ZNF654: variants seen among roughly 807,000 people sequenced by gnomAD.
ZNF654 encodes zinc finger protein 654.
In ZNF654, 19 loss-of-function variants were observed where a neutral mutation model predicts 95.3. That is an observed-to-expected ratio of 0.20 (90% CI 0.14 to 0.29). ZNF654 has a LOEUF of 0.29. Ranked by LOEUF, ZNF654 falls within the 10% of genes least tolerant of loss-of-function variation. ZNF654 has a pLI of 1.00. For missense variants in ZNF654, 1,046 were observed against 1,341.0 expected, an observed-to-expected ratio of 0.78 and a Z score of 3.44; for synonymous variants, 413 against 457.9, an observed-to-expected ratio of 0.90 and a Z score of 1.25.
At chr3:88,061,604 T>C (rs1364968676) in intron 1 of ZNF654, among the ~76,000 whole-genome samples, 4 of 152,180 alleles carry the variant, frequency 2.6e-5, no homozygotes, top group Non-Finnish European at 5.9e-5. Context: ...TCCTTTTTTA[T>C]ATTAAAGCTT....
Position 88,139,884 on chromosome 3 carries a change from G to A in ZNF654, c.2215G>A (p.Ala739Thr). ...GTVCHPKDIY[A>T]TDQEGNFKCP... ...TGTGTGCCATCCAAAAGACATATAT[G>A]CCACAGATCAAGAAGGAAACTTTAA... Residue 739 changes from alanine to threonine, a missense_variant, in exon 8 of 9, where the codon GCC becomes ACC. Ala to Thr is a moderately conservative substitution (Grantham distance 58, BLOSUM62 0). Transcript: ENST00000636215. The A allele has an allele frequency of 3.7e-6, 6 of 1,611,278 alleles. No homozygotes were observed. In the East Asian group the frequency reaches 1.3e-4, roughly 36 times the overall value.
intron 1 of ZNF654, among the ~76,000 whole-genome samples, chr3:88,065,058 ATTTAAT>A (rs1474111987): frequency 3.9e-5 from 6 of 152,226 alleles, no homozygotes; most frequent in Non-Finnish European, 8.8e-5. Flanking sequence ...GCATTGATAA[ATTTAAT>A]TGCATTGATG....
intron 1 of ZNF654, among the ~76,000 whole-genome samples, chr3:88,067,622 A>T (rs1707274987): frequency 6.6e-6 from 1 of 152,236 alleles, no homozygotes; most frequent in Non-Finnish European, 1.5e-5. Context: ...ACAAAAGGCA[A>T]GGAAAGAGAA....
At chr3:88,120,866 T>TA (rs1328769159) in intron 3 of ZNF654, among the ~76,000 whole-genome samples, 2 of 152,112 alleles carry the variant, frequency 1.3e-5, no homozygotes, top group East Asian at 3.8e-4. Flanking sequence ...ATCACAGTGA[T>TA]ATAGTAATTC....
chr3:88,093,382 T>C (rs1703863868), intron 2 of ZNF654, among the ~76,000 whole-genome samples: 1 of 152,178 alleles, frequency 6.6e-6, no homozygotes, highest in Admixed American at 6.5e-5. Context: ...CAACAGAAAG[T>C]AAATGTTCAT....
intron 7 of ZNF654, among the ~76,000 whole-genome samples, chr3:88,136,833 C>T (rs889797180): frequency 7.2e-5 from 11 of 152,098 alleles, no homozygotes; most frequent in Admixed American, 3.9e-4. Context: ...GCAGCCTGTT[C>T]TCTTTTTGGA....
chr3:88,087,369 C>G (rs987535774), intron 2 of ZNF654, among the ~76,000 whole-genome samples: 88 of 152,188 alleles, frequency 5.8e-4, no homozygotes, highest in African/African-American at 2.1e-3. Context: ...GCTACCACAC[C>G]TGGCTGAAAA....
In ZNF654 at chr3:88,139,415, A is replaced by G. The variant is rs1214126589; in HGVS notation, c.1746A>G (p.Arg582=). ...FACVICGRKF[R]NRGLMQKHLK... ...GTGTAATATGTGGTAGGAAATTTAG[A>G]AACAGAGGACTTATGCAGAAGCATT... The change falls in exon 8 of 9, where the codon AGA becomes AGG. Residue 582 remains arginine (R), a synonymous_variant. Transcript: ENST00000636215. 4 of 1,613,764 alleles carry G rather than the reference A, an allele frequency of 2.5e-6. No individual in the cohort carries two copies. Among genetic ancestry groups the G allele is most frequent in the East Asian group, 4.5e-5 (2 of 44,882 alleles).
At chr3:88,079,202 A>C (rs1417476064) in intron 1 of ZNF654, among the ~76,000 whole-genome samples, 1 of 152,104 alleles carries the variant, frequency 6.6e-6, no homozygotes, top group African/African-American at 2.4e-5. Flanking sequence ...TAGTCCAACT[A>C]ATTCTGACTA....
intron 1 of ZNF654, among the ~76,000 whole-genome samples, chr3:88,081,318 C>G (rs1398004799): frequency 6.6e-6 from 1 of 151,154 alleles, no homozygotes; most frequent in Non-Finnish European, 1.5e-5. Context: ...TGTAATGTTA[C>G]TGTCTTTATA....
chr3:88,134,906 CAT>C (rs1274284091), intron 6 of ZNF654, among the ~76,000 whole-genome samples, 153 bp from the exon 7 acceptor site: 5 of 151,990 alleles, frequency 3.3e-5, no homozygotes, highest in African/African-American at 1.2e-4. Context: ...GTTTTAGTCT[CAT>C]ATAGGTAGAA....
chr3:88,065,719 G>GTTTATTATTATTA lies in ZNF654; in HGVS notation c.186+6218_186+6230dup, dbSNP rs1707159108. The stretch of plus-strand genomic sequence containing the variant: ...ATTTTCTTTTCCTACCTCACAGATT[G>GTTTATTATTATTA]TTTATTATTATTATTTTTTTGAGAC... On this transcript the variant is annotated intron_variant, in intron 1 of 8. Coordinates refer to ENST00000636215, the MANE Select transcript of ZNF654 (RefSeq NM_001350134.2). 2.0e-5 allele frequency among the ~76,000 whole-genome samples: 3 copies of GTTTATTATTATTA among 151,910 alleles called. No homozygotes were observed. In the South Asian group the frequency reaches 6.3e-4, roughly 32 times the overall value.
intron 1 of ZNF654, among the ~76,000 whole-genome samples, chr3:88,081,010 A>C (rs1269655543): frequency 1.3e-5 from 2 of 152,126 alleles, no homozygotes; most frequent in African/African-American, 2.4e-5. Flanking sequence ...GTTTCTCCTT[A>C]GTCTCTTCCA....
chr3:88,077,391 T>C (rs1424425251), intron 1 of ZNF654, among the ~76,000 whole-genome samples: 2 of 150,842 alleles, frequency 1.3e-5, no homozygotes, highest in Non-Finnish European at 2.9e-5. Context: ...TGGAGTACAG[T>C]GGCGCGATCT....
chr3:88,100,620 C>T (rs938060932), intron 2 of ZNF654, among the ~76,000 whole-genome samples: 24 of 152,120 alleles, frequency 1.6e-4, no homozygotes, highest in African/African-American at 3.9e-4. Context: ...CCATGGAATA[C>T]GATGCAGCCA....
rs1021818141 is a variant in ZNF654, at chr3:88,141,325, T to A, written c.3379+277T>A. On this transcript the variant is annotated intron_variant, in intron 8 of 8. Coordinates refer to ENST00000636215, the MANE Select transcript of ZNF654 (RefSeq NM_001350134.2). ...AGAACCTGAACACAGGTTTTTCATA[T>A]TCTTTGATTATACTTCTTCACTGTA... is the stretch of plus-strand genomic sequence containing the variant. Among the ~76,000 whole-genome samples, 69 of 98,226 alleles carry A rather than the reference T, an allele frequency of 7.0e-4. 1 individual carries two copies. The highest frequency in any genetic ancestry group is 2.1e-3 in the African/African-American group (67 of 31,894). 64.4% of individuals were successfully genotyped at this position (98,226 alleles called of 152,430 possible).
intron 1 of ZNF654, among the ~76,000 whole-genome samples, chr3:88,062,973 A>G (rs913725440): frequency 2.0e-5 from 3 of 152,222 alleles, no homozygotes; most frequent in African/African-American, 4.8e-5. Flanking sequence ...AAATTTAGAA[A>G]TGTTACAATT....
chr3:88,126,226 G>A lies in ZNF654; in HGVS notation c.507G>A (p.Val169=). ...IRDGGPWEDP[V]LQAVLKAQPA... ...ATGGTGGCCCATGGGAAGATCCAGTGTTGCAAGCTGTCCTTAAAGCTCAGC... is the reference window on the plus strand; with the variant it reads ...ATGGTGGCCCATGGGAAGATCCAGTATTGCAAGCTGTCCTTAAAGCTCAGC... The change falls in exon 4 of 9, where the codon GTG becomes GTA. Residue 169 remains valine, a synonymous_variant. Coordinates refer to ENST00000636215, the MANE Select transcript of ZNF654 (RefSeq NM_001350134.2). 4 of 1,529,656 alleles carry A rather than the reference G, an allele frequency of 2.6e-6. No homozygotes were observed. The highest frequency in any genetic ancestry group is 3.5e-6 in the Non-Finnish European group (4 of 1,142,822). The allele number at this position is 1,529,656 out of a possible 1,614,324, so 94.8% of individuals were successfully genotyped here.
At chr3:88,076,223 T>C (rs1402352497) in intron 1 of ZNF654, among the ~76,000 whole-genome samples, 1 of 152,222 alleles carries the variant, frequency 6.6e-6, no homozygotes, top group Non-Finnish European at 1.5e-5. Flanking sequence ...TTTCTGCCTT[T>C]TAAAAAGCAA....
Sources: allele counts gnomAD v4.1 joint callset (sites outside exome capture counted in the v4.1 genomes callset), GRCh38; gene constraint gnomAD v4.1.1; transcripts MANE v1.5; gene names NCBI Gene and HGNC (gene_info 2026-07-23, HGNC 2026-07-21).